The following AGBL4 variants were observed in gnomAD, a reference collection of about 807,000 sequenced individuals.
AGBL4 encodes AGBL carboxypeptidase 4, also known as cytosolic carboxypeptidase 6.
In AGBL4, 58 loss-of-function variants were observed where a neutral mutation model predicts 66.4. The observed-to-expected ratio is 0.87, with a 90% CI of 0.71 to 1.09. AGBL4 has a LOEUF of 1.09. Ranked by LOEUF, AGBL4 falls within the 50% of genes least tolerant of loss-of-function variation. The probability of loss-of-function intolerance (pLI) is 0.00; values close to 1 mark genes in which losing one functional copy is unlikely to be tolerated. For synonymous variants in AGBL4, 234 were observed against 222.9 expected, an observed-to-expected ratio of 1.05 and a Z score of -0.44; for missense variants, 579 against 631.0, an observed-to-expected ratio of 0.92 and a Z score of 0.88.
intron 3 of AGBL4, among the ~76,000 whole-genome samples, chr1:49,598,216 G>A (rs987597180): frequency 3.3e-5 from 5 of 152,122 alleles, no homozygotes; most frequent in South Asian, 2.1e-4. Flanking sequence ...CTCTCAACTC[G>A]TCAAAGTCAT....
chr1:49,655,729 T>C (rs1646112935), intron 3 of AGBL4, among the ~76,000 whole-genome samples: 1 of 152,072 alleles, frequency 6.6e-6, no homozygotes. Context: ...GAGATAGAGA[T>C]ACAAAATCTC....
At chr1:49,232,767 T>C (rs565555321) in intron 4 of AGBL4, among the ~76,000 whole-genome samples, 1 of 151,562 alleles carries the variant, frequency 6.6e-6, no homozygotes, top group African/African-American at 2.4e-5. Flanking sequence ...TTTTTTGTTT[T>C]GTTAATCATA....
At chr1:49,097,902 TAA>T (rs1350110334) in intron 4 of AGBL4, among the ~76,000 whole-genome samples, 1 of 152,220 alleles carries the variant, frequency 6.6e-6, no homozygotes, top group African/African-American at 2.4e-5. Context: ...TTTAATGAGG[TAA>T]AAGTCTTTCA....
chr1:49,936,664 G>A (rs1243993682), intron 1 of AGBL4, among the ~76,000 whole-genome samples: 1 of 152,208 alleles, frequency 6.6e-6, no homozygotes, highest in Non-Finnish European at 1.5e-5. Context: ...CAAGCCAGAA[G>A]AGAGTGGGAG....
chr1:49,855,851 C>G (rs1011732724), intron 1 of AGBL4, among the ~76,000 whole-genome samples: 3 of 151,750 alleles, frequency 2.0e-5, no homozygotes, highest in Non-Finnish European at 4.4e-5. Flanking sequence ...TAGAAAAGCA[C>G]AAATAAACCA....
At chr1:49,258,652 T>A (rs1384889633) in intron 3 of AGBL4, among the ~76,000 whole-genome samples, 2 of 152,202 alleles carry the variant, frequency 1.3e-5, no homozygotes, top group African/African-American at 4.8e-5. Context: ...AATATGGGAC[T>A]ATGTGAAAAT....
chr1:49,332,555 C>T (rs950115398), intron 3 of AGBL4, among the ~76,000 whole-genome samples: 1 of 152,138 alleles, frequency 6.6e-6, no homozygotes, highest in South Asian at 2.1e-4. Flanking sequence ...TATATTGTTG[C>T]CAAGGATTTT....
At chr1:49,628,988 G>A (rs1645517564) in intron 3 of AGBL4, among the ~76,000 whole-genome samples, 2 of 152,046 alleles carry the variant, frequency 1.3e-5, no homozygotes, top group Non-Finnish European at 2.9e-5. Flanking sequence ...TAATTTTATG[G>A]ATTCATCTGG....
intron 1 of AGBL4, among the ~76,000 whole-genome samples, chr1:49,993,775 G>A (rs1459313510): frequency 1.3e-5 from 2 of 152,082 alleles, no homozygotes; most frequent in Non-Finnish European, 2.9e-5. Flanking sequence ...CCTGGATTCT[G>A]ACATGAAGGT....
chr1:49,874,414 A>T (rs1462312572), intron 1 of AGBL4, among the ~76,000 whole-genome samples: 3 of 152,140 alleles, frequency 2.0e-5, no homozygotes, highest in Non-Finnish European at 4.4e-5. Flanking sequence ...TGAAGGTTAC[A>T]TTAGTGTGTA....
intron 4 of AGBL4, among the ~76,000 whole-genome samples, chr1:49,168,267 C>T (rs1357930333): frequency 6.6e-6 from 1 of 152,026 alleles, no homozygotes; most frequent in Non-Finnish European, 1.5e-5. Flanking sequence ...CGAATACTTA[C>T]CTAAAAGTAG....
At chr1:49,769,538 G>C (rs1408503580) in intron 2 of AGBL4, among the ~76,000 whole-genome samples, 2 of 152,078 alleles carry the variant, frequency 1.3e-5, no homozygotes, top group Admixed American at 1.3e-4. Flanking sequence ...AAAGAGCCAG[G>C]GCAGAACATT....
chr1:48,926,610 T>C (rs191099117), intron 5 of AGBL4, among the ~76,000 whole-genome samples: 5 of 152,128 alleles, frequency 3.3e-5, no homozygotes, highest in African/African-American at 1.2e-4. Context: ...TTTAAAATCA[T>C]TGGGTAGCCC....
At chr1:48,644,054 T>C (rs1471462758) in intron 8 of AGBL4, among the ~76,000 whole-genome samples, 1 of 152,190 alleles carries the variant, frequency 6.6e-6, no homozygotes, top group Non-Finnish European at 1.5e-5. Context: ...CTGTATCTCC[T>C]TCTACATTGC....
intron 3 of AGBL4, among the ~76,000 whole-genome samples, chr1:49,534,265 G>A (rs1651398120): frequency 6.7e-6 from 1 of 148,294 alleles, no homozygotes; most frequent in Non-Finnish European, 1.5e-5. Flanking sequence ...AAATAATGAT[G>A]TTCTTTAAAT....
chr1:49,943,500 A>G (rs1341582384), intron 1 of AGBL4, among the ~76,000 whole-genome samples: 2 of 152,182 alleles, frequency 1.3e-5, no homozygotes, highest in African/African-American at 4.8e-5. Context: ...TCCGCCCCTG[A>G]ACACACACCC....
At chr1:49,421,376 G>A (rs1007805535) in intron 3 of AGBL4, among the ~76,000 whole-genome samples, 2 of 151,548 alleles carry the variant, frequency 1.3e-5, no homozygotes, top group African/African-American at 2.4e-5. Context: ...CAAATGCTAC[G>A]GGGGGCGGGG....
chr1:49,663,071 CA>C (rs1460337654), intron 3 of AGBL4, among the ~76,000 whole-genome samples: 1 of 151,644 alleles, frequency 6.6e-6, no homozygotes, highest in African/African-American at 2.4e-5. Context: ...AAGAAAGTGG[CA>C]AAAAATGAAA....
chr1:48,555,743 T>G (rs1270757936), intron 11 of AGBL4, among the ~76,000 whole-genome samples: 1 of 152,192 alleles, frequency 6.6e-6, no homozygotes, highest in African/African-American at 2.4e-5. Context: ...AGAATGGTCC[T>G]GGTCCAGGGA....
Sources: allele counts gnomAD v4.1 joint callset (sites outside exome capture counted in the v4.1 genomes callset), GRCh38; gene constraint gnomAD v4.1.1; transcripts MANE v1.5; gene names NCBI Gene and HGNC (gene_info 2026-07-23, HGNC 2026-07-21).